CGNL1: variants seen among roughly 807,000 people sequenced by gnomAD.
CGNL1 encodes the protein cingulin-like protein 1.
CGNL1 carries 132 observed loss-of-function variants against 141.2 expected under a neutral mutation model. The ratio of observed to expected loss-of-function variants is 0.93; its 90% CI spans 0.81 to 1.08. The LOEUF (loss-of-function observed/expected upper bound fraction) is 1.08, where lower values mean the gene tolerates loss of function less well. Ranked by LOEUF, CGNL1 falls within the 50% of genes least tolerant of loss-of-function variation. The pLI is 0.00. For missense variants in CGNL1, 1,870 were observed against 1,588.6 expected (o/e 1.18, Z -3.01); for synonymous variants, 690 against 622.1 (o/e 1.11, Z -1.63).
At chr15:57,546,928 C>T (rs1433080026) in intron 18 of CGNL1, among the ~76,000 whole-genome samples, 1 of 152,132 alleles carries the variant, frequency 6.6e-6, no homozygotes, top group African/African-American at 2.4e-5. Context: ...CAGGGCCTAT[C>T]AGGTCACTGG....
chr15:57,496,207 C>T (rs185825859), intron 8 of CGNL1, among the ~76,000 whole-genome samples: 110 of 152,282 alleles, frequency 7.2e-4, no homozygotes, highest in African/African-American at 2.5e-3. Context: ...CTTGTAGGGC[C>T]TTAAAACCAA....
At chr15:57,411,620 T>A (rs1266763102) in intron 1 of CGNL1, among the ~76,000 whole-genome samples, 1 of 151,966 alleles carries the variant, frequency 6.6e-6, no homozygotes, top group African/African-American at 2.4e-5. Context: ...ATTTTTTGTA[T>A]TTTTGGTAGA....
chr15:57,490,397 AAC>A (rs34731849), intron 8 of CGNL1, among the ~76,000 whole-genome samples: 58,758 of 151,248 alleles, frequency 0.39, 11,363 homozygotes, highest in Middle Eastern at 0.43. Flanking sequence ...AAGTGCTCCA[AAC>A]ACACACACAC....
At chr15:57,527,794 T>C (rs548047492) in intron 12 of CGNL1, 1 of 152,372 alleles carries the variant, frequency 6.6e-6, no homozygotes, top group Non-Finnish European at 1.5e-5. Context: ...TGTTAGGTTT[T>C]TTGCCAGTAG....
intron 8 of CGNL1, among the ~76,000 whole-genome samples, chr15:57,507,828 A>T (rs1245452267): frequency 6.6e-6 from 1 of 152,230 alleles, no homozygotes; most frequent in African/African-American, 2.4e-5. Context: ...AGGACTACCT[A>T]ATGCTGCCTG....
At chr15:57,381,653 C>T (rs1338384715) in intron 1 of CGNL1, among the ~76,000 whole-genome samples, 2 of 152,188 alleles carry the variant, frequency 1.3e-5, no homozygotes, top group African/African-American at 2.4e-5. Flanking sequence ...TACTGTTTCT[C>T]GCTCCTCTTA....
intron 1 of CGNL1, among the ~76,000 whole-genome samples, chr15:57,397,288 A>G (rs866179154): frequency 5.3e-5 from 8 of 152,158 alleles, no homozygotes; most frequent in African/African-American, 1.9e-4. Context: ...CAATGTTGCT[A>G]TGAAGCAGTC....
intron 7 of CGNL1, 147 bp downstream of exon 7, chr15:57,453,965 C>G (rs1385464780): frequency 1.3e-6 from 1 of 798,396 alleles, no homozygotes; most frequent in Non-Finnish European, 1.9e-6. Context: ...AGTGGATGCG[C>G]TTGATTCTCT....
chr15:57,547,207 C>T (rs760213792), intron 18 of CGNL1, 148 bp from the exon 19 acceptor site: 62 of 858,378 alleles, frequency 7.2e-5, no homozygotes, highest in Non-Finnish European at 1.0e-4. Flanking sequence ...AAGGGGCCAT[C>T]AGGTGGAGAC....
intron 18 of CGNL1, among the ~76,000 whole-genome samples, chr15:57,546,870 T>G (rs575681481): frequency 1.4e-3 from 209 of 152,250 alleles, no homozygotes; most frequent in African/African-American, 4.8e-3. Context: ...GCCCGGGTAG[T>G]TCTCATCAAT....
At chr15:57,470,005 G>T (rs1484085948) in intron 8 of CGNL1, among the ~76,000 whole-genome samples, 1 of 152,164 alleles carries the variant, frequency 6.6e-6, no homozygotes, top group African/African-American at 2.4e-5. Flanking sequence ...CTCCAAGGGA[G>T]CCAGGTTAGC....
chr15:57,528,385 T>G (rs1431707500), intron 12 of CGNL1, among the ~76,000 whole-genome samples: 2 of 152,228 alleles, frequency 1.3e-5, no homozygotes, highest in Non-Finnish European at 2.9e-5. Context: ...TTTTTTCTGT[T>G]CTATTTAATT....
chr15:57,503,042 C>T (rs914659942), intron 8 of CGNL1, among the ~76,000 whole-genome samples: 3 of 152,218 alleles, frequency 2.0e-5, no homozygotes, highest in Non-Finnish European at 2.9e-5. Flanking sequence ...AAGGACGCAC[C>T]ATGTGGGATG....
intron 1 of CGNL1, chr15:57,406,927 C>T (rs1254758106): frequency 6.6e-6 from 1 of 152,196 alleles, no homozygotes; most frequent in Non-Finnish European, 1.5e-5. Context: ...TTTAAGTAAG[C>T]TAACTTAAAT....
At position 57,425,740 on chromosome 15, in the gene CGNL1, CAA is replaced by C. The variant is rs35847617; in HGVS notation, c.-15-12227_-15-12226del. ...TGGGTGACAGAGCAAGAGCCTGTCT[CAA>C]AAAAAAAAAAAAAAAAATCCGCATT... On this transcript the variant is annotated intron_variant, in intron 1 of 18. Coordinates refer to ENST00000281282, the MANE Select transcript of CGNL1 (RefSeq NM_032866.5). Among the ~76,000 whole-genome samples the C allele has an allele frequency of 4.0e-3, 459 of 114,124 alleles. 4 individuals are homozygous for C. The highest frequency in any genetic ancestry group is 0.012 in the African/African-American group (369 of 30,468). 74.9% of individuals were successfully genotyped at this position (114,124 alleles called of 152,430 possible).
intron 1 of CGNL1, among the ~76,000 whole-genome samples, chr15:57,426,940 G>C (rs7168958): frequency 0.27 from 40,728 of 152,080 alleles, 5,646 homozygotes; most frequent in African/African-American, 0.35. Flanking sequence ...GCTGGAATGG[G>C]GTGAGGGTGC....
chr15:57,422,173 T>C (rs2062922827), intron 1 of CGNL1, among the ~76,000 whole-genome samples: 1 of 152,066 alleles, frequency 6.6e-6, no homozygotes, highest in African/African-American at 2.4e-5. Context: ...GCCTTTTATG[T>C]TTCTTCCTTT....
intron 14 of CGNL1, among the ~76,000 whole-genome samples, chr15:57,538,001 C>T (rs2032355103): frequency 6.8e-6 from 1 of 146,546 alleles, no homozygotes; most frequent in African/African-American, 2.5e-5. Flanking sequence ...AGGTTTTTCC[C>T]TCCTCCCCGC....
At chr15:57,544,728 T>C in intron 16 of CGNL1, 131 bp downstream of exon 16, 1 of 1,065,690 alleles carries the variant, frequency 9.4e-7, no homozygotes, top group Non-Finnish European at 1.3e-6. Flanking sequence ...ACTACACCCT[T>C]ACTTTTATTA....
Sources: gnomAD v4.1 joint callset for allele counts (sites outside exome capture counted in the v4.1 genomes callset) on GRCh38, gnomAD v4.1.1 for gene constraint, MANE v1.5 for transcripts, NCBI Gene and HGNC (gene_info 2026-07-23, HGNC 2026-07-21) for gene names.